The following GLRA3 variants were observed in gnomAD, a reference collection of about 807,000 sequenced individuals.
GLRA3 encodes glycine receptor subunit alpha-3.
GLRA3 carries 44 observed loss-of-function variants against 60.4 expected under a neutral mutation model. The ratio of observed to expected loss-of-function variants is 0.73; its 90% CI spans 0.57 to 0.94. The LOEUF (loss-of-function observed/expected upper bound fraction) is 0.94. Among genes scored for constraint, GLRA3 ranks in the 40% least tolerant of loss-of-function variants. The pLI is 0.00. For missense variants in GLRA3, 508 were observed against 564.6 expected (o/e 0.90, Z 1.02); for synonymous variants, 223 against 192.9 (o/e 1.16, Z -1.29).
At position 174,794,303 on chromosome 4, in the gene GLRA3, TAA is replaced by T. The variant is rs759605274; in HGVS notation, c.72-5362_72-5361del. Among the ~76,000 whole-genome samples, 9 of 152,210 alleles carry T rather than the reference TAA, an allele frequency of 5.9e-5. No homozygotes were observed. In the South Asian group the frequency reaches 1.0e-3, roughly 18 times the overall value. ...AGAGATGTCATCTCTGTGCACTTTTTAAAAAAATATTACTCCAAATACAAGTA... is the reference window on the plus strand; with the variant it reads ...AGAGATGTCATCTCTGTGCACTTTTTAAAAATATTACTCCAAATACAAGTA... On this transcript the variant is annotated intron_variant, in intron 1 of 9. Transcript: ENST00000274093.
intron 3 of GLRA3, among the ~76,000 whole-genome samples, chr4:174,755,869 C>T (rs979343643): frequency 1.3e-5 from 2 of 151,734 alleles, no homozygotes; most frequent in East Asian, 3.9e-4. Flanking sequence ...TCTATCAGAA[C>T]GAATAAAAAT....
At chr4:174,728,769 T>G in intron 3 of GLRA3, 71 bp from the exon 4 acceptor site, 1 of 952,420 alleles carries the variant, frequency 1.0e-6, no homozygotes, top group Non-Finnish European at 1.6e-6. Context: ...ATAGTGTCAG[T>G]GTGGTGCCAA....
At chr4:174,706,900 T>C (rs1282482330) in intron 5 of GLRA3, among the ~76,000 whole-genome samples, 1 of 152,170 alleles carries the variant, frequency 6.6e-6, no homozygotes, top group East Asian at 1.9e-4. Flanking sequence ...GTTAAGATTA[T>C]ATCTGTGAAC....
At chr4:174,792,524 G>C (rs1161057893) in intron 1 of GLRA3, among the ~76,000 whole-genome samples, 1 of 152,054 alleles carries the variant, frequency 6.6e-6, no homozygotes, top group African/African-American at 2.4e-5. Flanking sequence ...AGTGTTGGGA[G>C]AAAAAAATTC....
intron 9 of GLRA3, among the ~76,000 whole-genome samples, chr4:174,652,438 GTAGTT>G (rs752120498): frequency 3.1e-4 from 47 of 152,046 alleles, no homozygotes; most frequent in Non-Finnish European, 6.6e-4. Context: ...AGTTAAAGAA[GTAGTT>G]TAGTTTACCC....
chr4:174,777,106 C>T (rs1479496520), intron 2 of GLRA3, among the ~76,000 whole-genome samples: 5 of 151,910 alleles, frequency 3.3e-5, no homozygotes, highest in African/African-American at 1.2e-4. Flanking sequence ...AGAAATGACA[C>T]AAAACAGTGC....
Position 174,639,026 on chromosome 4 carries a change from C to T in GLRA3, c.*4760G>A, listed in dbSNP as rs1259696682. ...TAACCACAAAAACTACTGAGAAAAC[C>T]ACCTGTTCAGACACTACAAAGTCAT... On this transcript the variant is annotated 3_prime_UTR_variant, in exon 10 of 10. Transcript: ENST00000274093. 2 of 152,084 alleles carry T rather than the reference C, an allele frequency of 1.3e-5. No homozygotes were observed. Among genetic ancestry groups the T allele is most frequent in the East Asian group, 1.9e-4 (1 of 5,184 alleles). 9.4% of individuals were successfully genotyped at this position (152,084 alleles called of 1,614,324 possible).
intron 5 of GLRA3, among the ~76,000 whole-genome samples, chr4:174,695,689 T>A (rs1022927670): frequency 5.9e-5 from 9 of 152,142 alleles, no homozygotes; most frequent in African/African-American, 2.2e-4. Context: ...AAGACGAGAA[T>A]GTCCTCTCTC....
At position 174,805,246 on chromosome 4, in the gene GLRA3, T is replaced by G; in HGVS notation, c.72-16303A>C. 1.3e-5 allele frequency among the ~76,000 whole-genome samples: 2 copies of G among 152,068 alleles called. 1 individual carries two copies. The highest frequency in any genetic ancestry group is 3.9e-4 in the East Asian group (2 of 5,190). ...AGGATGAGTGTGGTGGCTTTAAAAT[T>G]TTTTCTCAAATTTTTTTGCACTCCT... On this transcript the variant is annotated intron_variant, in intron 1 of 9. Transcript: ENST00000274093.
chr4:174,763,356 T>TA (rs1403258444), intron 3 of GLRA3, among the ~76,000 whole-genome samples: 1 of 152,154 alleles, frequency 6.6e-6, no homozygotes, highest in South Asian at 2.1e-4. Flanking sequence ...ACTCAACAAT[T>TA]ACAGCTTGCC....
chr4:174,760,039 C>A (rs1737878481), intron 3 of GLRA3, among the ~76,000 whole-genome samples: 1 of 151,926 alleles, frequency 6.6e-6, no homozygotes, highest in Non-Finnish European at 1.5e-5. Flanking sequence ...AAAAAGAATG[C>A]CTTGAAGAGT....
chr4:174,742,922 G>A (rs922543573), intron 3 of GLRA3, among the ~76,000 whole-genome samples: 2 of 152,034 alleles, frequency 1.3e-5, no homozygotes, highest in Admixed American at 6.5e-5. Context: ...GGCTTGTTTT[G>A]TTTTACTTTA....
intron 1 of GLRA3, among the ~76,000 whole-genome samples, chr4:174,790,624 C>G (rs1330779988): frequency 2.6e-5 from 4 of 151,620 alleles, no homozygotes; most frequent in African/African-American, 9.7e-5. Context: ...CTCCTCCTAC[C>G]AACAAATATA....
intron 2 of GLRA3, among the ~76,000 whole-genome samples, chr4:174,769,898 C>T (rs968139008): frequency 3.9e-5 from 6 of 152,010 alleles, no homozygotes; most frequent in Admixed American, 2.6e-4. Flanking sequence ...TTTGAAGATA[C>T]TTTTTCACTA....
chr4:174,686,728 T>C (rs1734566378), intron 5 of GLRA3, among the ~76,000 whole-genome samples: 1 of 152,040 alleles, frequency 6.6e-6, no homozygotes, highest in Non-Finnish European at 1.5e-5. Flanking sequence ...GGGCTTCATA[T>C]AAAGTATGCA....
rs1451983165 is a variant in GLRA3, at chr4:174,682,804, G to C, written c.710C>G (p.Thr237Arg). The change falls in exon 6 of 10, where the codon ACA becomes AGA. Residue 237 changes from threonine (T) to arginine (R), a missense_variant and splice_region_variant. Transcript: ENST00000274093. ...AAAGAACACTACTCAACCCCTACCT[G>C]TATTGTAATGTTTAGTGCAGTATCG... ...DLRYCTKHYN[T>R]GKFTCIEVRF... is the part of the protein sequence containing the mutation. The C allele has an allele frequency of 6.2e-7, 1 of 1,610,132 alleles. No individual in the cohort carries two copies. Among genetic ancestry groups the C allele is most frequent in the Non-Finnish European group, 8.5e-7 (1 of 1,176,768 alleles).
intron 3 of GLRA3, among the ~76,000 whole-genome samples, chr4:174,743,564 T>G (rs1737110144): frequency 6.6e-6 from 1 of 152,176 alleles, no homozygotes; most frequent in South Asian, 2.1e-4. Flanking sequence ...TACTGTGCCC[T>G]TCTCATTGCA....
At chr4:174,732,442 A>C (rs1028909326) in intron 3 of GLRA3, among the ~76,000 whole-genome samples, 4 of 152,166 alleles carry the variant, frequency 2.6e-5, no homozygotes, top group Admixed American at 6.5e-5. Flanking sequence ...TTTTAGTTCA[A>C]AATACAAAAC....
At chr4:174,667,305 G>C (rs1463179978) in intron 7 of GLRA3, among the ~76,000 whole-genome samples, 5 of 152,066 alleles carry the variant, frequency 3.3e-5, no homozygotes, top group South Asian at 4.2e-4. Flanking sequence ...TCCAGAGAAA[G>C]TCAGGAGGGC....
Sources: allele counts gnomAD v4.1 joint callset (sites outside exome capture counted in the v4.1 genomes callset), GRCh38; gene constraint gnomAD v4.1.1; transcripts MANE v1.5; gene names NCBI Gene and HGNC (gene_info 2026-07-23, HGNC 2026-07-21).